Variants in ERC2 observed in about 807,000 individuals in gnomAD.
ERC2 encodes the protein ELKS/RAB6-interacting/CAST family member 2.
Under a neutral mutation model 114.8 loss-of-function variants are expected in ERC2, and 42 were observed. The observed-to-expected ratio is 0.37, with a 90% CI of 0.29 to 0.47. The LOEUF (loss-of-function observed/expected upper bound fraction) is 0.47. ERC2 is among the 20% of genes least tolerant of loss of function. The pLI is 0.99. For missense variants in ERC2, 939 were observed against 1,150.7 expected, an observed-to-expected ratio of 0.82 and a Z score of 2.66; for synonymous variants, 454 against 425.5, an observed-to-expected ratio of 1.07 and a Z score of -0.82.
chr3:56,347,160 A>G (rs1290183281), intron 2 of ERC2, among the ~76,000 whole-genome samples: 1 of 152,216 alleles, frequency 6.6e-6, no homozygotes, highest in Non-Finnish European at 1.5e-5. Flanking sequence ...AAACTCTGCT[A>G]AATTATGTTT....
intron 17 of ERC2, among the ~76,000 whole-genome samples, chr3:55,646,074 C>A (rs2060384733): frequency 6.6e-6 from 1 of 152,204 alleles, no homozygotes; most frequent in African/African-American, 2.4e-5. Flanking sequence ...CACAACGCCC[C>A]CATCCCCCTT....
At chr3:55,760,132 C>T (rs533961692) in intron 14 of ERC2, among the ~76,000 whole-genome samples, 6 of 152,240 alleles carry the variant, frequency 3.9e-5, no homozygotes, top group Non-Finnish European at 7.4e-5. Flanking sequence ...ATTCACAGCA[C>T]GGACAGAGTA....
intron 14 of ERC2, among the ~76,000 whole-genome samples, chr3:55,751,625 C>T (rs1034076619): frequency 6.6e-5 from 10 of 152,102 alleles, no homozygotes; most frequent in African/African-American, 2.2e-4. Flanking sequence ...GAGGCTTGCT[C>T]CAGGGGCACC....
chr3:55,658,684 C>T (rs2060985149), intron 17 of ERC2: 1 of 152,734 alleles, frequency 6.5e-6, no homozygotes, highest in Admixed American at 6.5e-5. Flanking sequence ...ATATCTCCCT[C>T]TCCCTGTTGC....
At chr3:55,582,977 T>C (rs1019138275) in intron 17 of ERC2, among the ~76,000 whole-genome samples, 1 of 152,202 alleles carries the variant, frequency 6.6e-6, no homozygotes, top group Non-Finnish European at 1.5e-5. Context: ...TTAGTCTCAG[T>C]TTTCTCATCT....
rs376654491 is a variant in ERC2 at position 55,597,343 on chromosome 3, C to A, written c.*40-86067G>T. Among the ~76,000 whole-genome samples, 59 of 151,668 alleles carry A rather than the reference C, an allele frequency of 3.9e-4. 1 individual carries two copies. The South Asian group carries it at 0.012, about 32-fold the overall frequency. On this transcript the variant is annotated intron_variant, in intron 17 of 17. Coordinates refer to ENST00000288221, the MANE Select transcript of ERC2 (RefSeq NM_015576.3). Reference sequence around the variant, plus strand: ...GCTGAGGCAGGAGAACGGCATGAACCCAGGAGGTGGAGCTTGCAGTGAGCC... The same window carrying A: ...GCTGAGGCAGGAGAACGGCATGAACACAGGAGGTGGAGCTTGCAGTGAGCC...
rs758630479 is a variant in ERC2, at chr3:55,985,988, G to C, written c.2256C>G (p.Ser752Arg). The change falls in exon 12 of 18, where the codon AGC (serine) becomes AGG (arginine). Residue 752 changes from serine to arginine, a missense_variant and splice_region_variant. By Grantham distance (110) the Ser-to-Arg change is moderately radical. This residue lies in a region of ERC2 where 328 missense variants were observed against 353.9 expected (regional missense o/e 0.93). Coordinates refer to ENST00000288221, the MANE Select transcript of ERC2 (RefSeq NM_015576.3). ...CTGAAATTACTGACCTGAGAGTCAA[G>C]CTGATTGGAGCAAGGGTGAAAGCAG... ...DKDKKIAELE[S>R]LTLRHMKDQN... is the part of the protein sequence containing the mutation. 1.3e-6 allele frequency: 2 copies of C among 1,540,154 alleles called. No individual in the cohort carries two copies. Among genetic ancestry groups the C allele is most frequent in the Middle Eastern group, 1.7e-4 (1 of 5,990 alleles).
Position 55,882,916 on chromosome 3 carries a change from CCTTACCTTTGGA to C in ERC2, c.2564+5461_2564+5472del, listed in dbSNP as rs2063181410. 2.0e-5 allele frequency among the ~76,000 whole-genome samples: 3 copies of C among 152,300 alleles called. No homozygotes were observed. In the South Asian group the frequency reaches 6.2e-4, roughly 32 times the overall value. ...CCATGCCCCAAATAAACAAGAGGGT[CCTTACCTTTGGA>C]AATGACTTTCTAAGTGGGATTCCAA... On this transcript the variant is annotated intron_variant, in intron 14 of 17. Coordinates refer to ENST00000288221, the MANE Select transcript of ERC2 (RefSeq NM_015576.3).
At chr3:56,450,115 C>T (rs549879009) in intron 1 of ERC2, among the ~76,000 whole-genome samples, 1 of 152,208 alleles carries the variant, frequency 6.6e-6, no homozygotes, top group Admixed American at 6.5e-5. Flanking sequence ...GGGGAAAGTC[C>T]AGCTTAATAC....
intron 14 of ERC2, among the ~76,000 whole-genome samples, chr3:55,762,893 C>T (rs1326483689): frequency 6.6e-6 from 1 of 152,208 alleles, no homozygotes; most frequent in Non-Finnish European, 1.5e-5. Context: ...CTCAAGATGA[C>T]AGAACCACTG....
At chr3:56,439,753 T>C (rs2062201657) in intron 1 of ERC2, among the ~76,000 whole-genome samples, 1 of 152,150 alleles carries the variant, frequency 6.6e-6, no homozygotes, top group South Asian at 2.1e-4. Flanking sequence ...TTATGGTTTT[T>C]TTTTGCCCTT....
At chr3:56,117,084 G>C (rs7637114) in intron 6 of ERC2, among the ~76,000 whole-genome samples, 85,351 of 152,030 alleles carry the variant, frequency 0.56, 26,072 homozygotes, top group East Asian at 0.85. Context: ...TCCTGGATTT[G>C]AACCTGGATT....
intron 17 of ERC2, among the ~76,000 whole-genome samples, chr3:55,547,872 A>G (rs1403769616): frequency 6.6e-6 from 1 of 152,260 alleles, no homozygotes; most frequent in Non-Finnish European, 1.5e-5. Context: ...AAGGTCACAC[A>G]GCAGAGCTGG....
intron 2 of ERC2, among the ~76,000 whole-genome samples, chr3:56,328,130 A>G (rs1482671525): frequency 1.3e-5 from 2 of 152,176 alleles, no homozygotes; most frequent in Non-Finnish European, 2.9e-5. Context: ...AACCTAAGTC[A>G]GGGGTGAAGA....
At chr3:56,338,330 C>T (rs1221386921) in intron 2 of ERC2, among the ~76,000 whole-genome samples, 2 of 152,218 alleles carry the variant, frequency 1.3e-5, no homozygotes, top group South Asian at 4.1e-4. Context: ...TCTTAAATCA[C>T]TCCTGCCTGC....
At chr3:55,812,262 G>A (rs1377304444) in intron 14 of ERC2, among the ~76,000 whole-genome samples, 1 of 152,184 alleles carries the variant, frequency 6.6e-6, no homozygotes, top group African/African-American at 2.4e-5. Context: ...CCCATAGAGG[G>A]GACCTCGACA....
intron 13 of ERC2, among the ~76,000 whole-genome samples, chr3:55,899,461 CA>C (rs1576093127): frequency 1.3e-5 from 2 of 151,988 alleles, no homozygotes; most frequent in East Asian, 1.9e-4. Context: ...ATACAATCTT[CA>C]AAAAAATTAG....
At position 56,226,691 on chromosome 3, in the gene ERC2, C is replaced by G. The variant is rs79803145; in HGVS notation, c.1075-53171G>C. On this transcript the variant is annotated intron_variant, in intron 3 of 17. Transcript: ENST00000288221. The stretch of plus-strand genomic sequence containing the variant: ...GTCTCCACCCTACTCCCAGGCTACA[C>G]TCTCAACTGGTGGCCAGGGAGAAAG... Among the ~76,000 whole-genome samples, 392 of 152,266 alleles carry G rather than the reference C, an allele frequency of 2.6e-3. 1 individual carries two copies. The highest frequency in any genetic ancestry group is 0.018 in the South Asian group (87 of 4,820).
chr3:56,000,728 G>A (rs1026168575), intron 10 of ERC2, among the ~76,000 whole-genome samples: 2 of 151,946 alleles, frequency 1.3e-5, no homozygotes, highest in Non-Finnish European at 2.9e-5. Context: ...ACTTAAGATA[G>A]TAGGAACTAT....
Sources: allele counts gnomAD v4.1 joint callset (sites outside exome capture counted in the v4.1 genomes callset), GRCh38; gene constraint gnomAD v4.1.1; regional missense constraint gnomAD v4.1.1; transcripts MANE v1.5; gene names NCBI Gene and HGNC (gene_info 2026-07-23, HGNC 2026-07-21).